The following STX8 variants were observed in gnomAD, a reference collection of about 807,000 sequenced individuals.
The protein encoded by STX8 is syntaxin-8.
STX8 carries 23 observed loss-of-function variants against 37.5 expected under a neutral mutation model. That is an observed-to-expected ratio of 0.61 (90% confidence interval 0.44 to 0.87). The LOEUF is 0.87. Among genes scored for constraint, STX8 ranks in the 40% least tolerant of loss-of-function variants. STX8 has a pLI of 0.00. For synonymous variants in STX8, 115 were observed against 99.1 expected (o/e 1.16, Z -0.95); for missense variants, 313 against 284.7 (o/e 1.10, Z -0.71).
chr17:9,252,374 G>A (rs1906615244), intron 7 of STX8, among the ~76,000 whole-genome samples: 1 of 151,966 alleles, frequency 6.6e-6, no homozygotes, highest in African/African-American at 2.4e-5. Flanking sequence ...AACCCGGGAG[G>A]CGGAGCTTGC....
intron 1 of STX8, among the ~76,000 whole-genome samples, chr17:9,569,203 G>A (rs910318597): frequency 4.6e-5 from 7 of 152,176 alleles, no homozygotes; most frequent in African/African-American, 1.7e-4. Flanking sequence ...TGGAGAAGAC[G>A]GCAGTAAACA....
chr17:9,360,270 T>C (rs1438203768), intron 7 of STX8, among the ~76,000 whole-genome samples: 1 of 142,522 alleles, frequency 7.0e-6, no homozygotes, highest in Admixed American at 7.4e-5. Context: ...GTCTCACTCT[T>C]GTAGCCCAGG....
intron 7 of STX8, among the ~76,000 whole-genome samples, chr17:9,317,667 G>A (rs1909429495): frequency 6.6e-6 from 1 of 152,006 alleles, no homozygotes; most frequent in Non-Finnish European, 1.5e-5. Flanking sequence ...TTGGGAGGCT[G>A]AGGCAGGAGA....
At chr17:9,286,686 C>CA (rs34274390) in intron 7 of STX8, among the ~76,000 whole-genome samples, 24,078 of 82,794 alleles carry the variant, frequency 0.29, 2,500 homozygotes, top group Middle Eastern at 0.47. Context: ...CAAAGGGAAG[C>CA]AAAAAAAAAA....
chr17:9,412,562 A>T (rs1429384022), intron 6 of STX8, among the ~76,000 whole-genome samples: 1 of 152,162 alleles, frequency 6.6e-6, no homozygotes, highest in Non-Finnish European at 1.5e-5. Flanking sequence ...TACACGCGTG[A>T]GCCACCACAC....
intron 4 of STX8, among the ~76,000 whole-genome samples, chr17:9,509,593 T>G (rs766591897): frequency 3.3e-5 from 5 of 151,984 alleles, no homozygotes; most frequent in Non-Finnish European, 5.9e-5. Flanking sequence ...TATAAAAACA[T>G]GTGACACTAT....
intron 1 of STX8, chr17:9,569,534 T>G (rs1907598594): frequency 6.5e-6 from 1 of 153,650 alleles, no homozygotes. Flanking sequence ...CTCAAAACAT[T>G]TAATAAGCTT....
chr17:9,574,556 C>T (rs557641864), intron 1 of STX8, among the ~76,000 whole-genome samples: 44 of 134,574 alleles, frequency 3.3e-4, no homozygotes, highest in African/African-American at 1.1e-3. Flanking sequence ...TTTTTTGAGA[C>T]GGAGTTTCGC....
At chr17:9,362,844 T>TA (rs1369622648) in intron 7 of STX8, among the ~76,000 whole-genome samples, 20 of 137,538 alleles carry the variant, frequency 1.5e-4, no homozygotes, top group African/African-American at 2.4e-4. Context: ...AAAAAAAAAA[T>TA]AAATAAATAA....
At chr17:9,425,381 T>G (rs1913590782) in intron 6 of STX8, among the ~76,000 whole-genome samples, 1 of 152,186 alleles carries the variant, frequency 6.6e-6, no homozygotes, top group East Asian at 1.9e-4. Flanking sequence ...ACATGATGAT[T>G]TATTTGTATT....
chr17:9,251,424 G>A (rs1353881496), intron 7 of STX8, among the ~76,000 whole-genome samples: 1 of 152,212 alleles, frequency 6.6e-6, no homozygotes, highest in Non-Finnish European at 1.5e-5. Flanking sequence ...CCACGTGCCA[G>A]GTACCAGCGG....
At chr17:9,547,121 G>A (rs1411141991) in intron 3 of STX8, among the ~76,000 whole-genome samples, 4 of 151,652 alleles carry the variant, frequency 2.6e-5, no homozygotes, top group South Asian at 2.1e-4. Context: ...GGTGGCGTGC[G>A]CCTGTAGTCC....
chr17:9,516,417 A>AACATACATC (rs1473935901), intron 4 of STX8, among the ~76,000 whole-genome samples: 4 of 148,782 alleles, frequency 2.7e-5, no homozygotes, highest in Non-Finnish European at 5.9e-5. Context: ...ACTAATATCA[A>AACATACATC]ACATACATCA....
At chr17:9,328,635 G>A (rs1323212539) in intron 7 of STX8, among the ~76,000 whole-genome samples, 2 of 152,186 alleles carry the variant, frequency 1.3e-5, no homozygotes, top group African/African-American at 4.8e-5. Flanking sequence ...CAGGGTCAAT[G>A]GCCCTCTTAG....
chr17:9,428,431 G>A lies in STX8; in HGVS notation c.542-49778C>T, dbSNP rs377625022. On this transcript the variant is annotated intron_variant, in intron 6 of 7. Transcript: ENST00000306357. ...AATTTTTTGTATTTTTAGTAGAGAC[G>A]GGGTTTCACCGTGTTAGCCAGGATG... 1.4e-4 allele frequency among the ~76,000 whole-genome samples: 21 copies of A among 152,238 alleles called. No homozygotes were observed. The East Asian group carries it at 3.3e-3, about 24-fold the overall frequency.
At chr17:9,453,020 G>T (rs1262747997) in intron 6 of STX8, among the ~76,000 whole-genome samples, 6 of 152,026 alleles carry the variant, frequency 3.9e-5, no homozygotes, top group African/African-American at 1.5e-4. Flanking sequence ...TGGCCAAGCT[G>T]GTCTTGAACT....
chr17:9,478,612 C>A (rs898054206), intron 6 of STX8, among the ~76,000 whole-genome samples: 8 of 152,090 alleles, frequency 5.3e-5, no homozygotes. Flanking sequence ...AATATAAATA[C>A]CTTATAGTTT....
At chr17:9,558,091 G>A (rs1907051988) in intron 2 of STX8, among the ~76,000 whole-genome samples, 1 of 152,158 alleles carries the variant, frequency 6.6e-6, no homozygotes, top group African/African-American at 2.4e-5. Context: ...TCCCAGGAGG[G>A]TGCGCATTTT....
chr17:9,486,983 T>C (rs1906626187), intron 6 of STX8, among the ~76,000 whole-genome samples: 1 of 152,112 alleles, frequency 6.6e-6, no homozygotes, highest in African/African-American at 2.4e-5. Flanking sequence ...CGTCATCCAC[T>C]CAGTGTTCCA....
Sources: gnomAD v4.1 joint callset for allele counts (sites outside exome capture counted in the v4.1 genomes callset) on GRCh38, gnomAD v4.1.1 for gene constraint, MANE v1.5 for transcripts, NCBI Gene and HGNC (gene_info 2026-07-23, HGNC 2026-07-21) for gene names.